Variants in VWA3B observed in about 807,000 individuals in gnomAD.
The protein encoded by VWA3B is von Willebrand factor A domain-containing protein 3B.
A neutral mutation model predicts 158.3 loss-of-function variants in VWA3B; 138 were observed. The observed-to-expected ratio is 0.87, with a 90% CI of 0.76 to 1.00. The LOEUF is 1.00. VWA3B is among the 50% of genes least tolerant of loss of function. VWA3B has a pLI of 0.00. For missense variants in VWA3B, 1,555 were observed against 1,565.1 expected, an observed-to-expected ratio of 0.99 and a Z score of 0.11; for synonymous variants, 596 against 587.3, an observed-to-expected ratio of 1.01 and a Z score of -0.21.
chr2:98,144,264 TGTC>T (rs1215567290), intron 7 of VWA3B, among the ~76,000 whole-genome samples: 4 of 152,190 alleles, frequency 2.6e-5, no homozygotes, highest in Non-Finnish European at 5.9e-5. Context: ...AAATTATAGT[TGTC>T]ATTATTGTCA....
intron 1 of VWA3B, among the ~76,000 whole-genome samples, chr2:98,089,845 G>T (rs1682150546): frequency 6.6e-6 from 1 of 151,948 alleles, no homozygotes; most frequent in African/African-American, 2.4e-5. Context: ...TTTTTTAAAA[G>T]TCATATGAGT....
chr2:98,326,013 G>T, the VWA3B span, among the ~76,000 whole-genome samples: 1 of 152,236 alleles, frequency 6.6e-6, no homozygotes, highest in East Asian at 1.9e-4. Context: ...GAAATTAAAT[G>T]AAAAGCCAAT....
At chr2:98,160,706 C>T (rs914264532) in intron 7 of VWA3B, among the ~76,000 whole-genome samples, 11 of 152,218 alleles carry the variant, frequency 7.2e-5, no homozygotes, top group Non-Finnish European at 1.6e-4. Context: ...CTTGATTTTA[C>T]AGCGTTCAGA....
At chr2:98,100,263 G>T (rs1329677679) in intron 2 of VWA3B, among the ~76,000 whole-genome samples, 1 of 152,202 alleles carries the variant, frequency 6.6e-6, no homozygotes, top group Admixed American at 6.5e-5. Context: ...GTCTTCTGGT[G>T]TGGTCCCTAA....
intron 12 of VWA3B, chr2:98,206,479 T>C (rs1050706276): frequency 5.2e-6 from 2 of 386,826 alleles, no homozygotes; most frequent in Admixed American, 3.0e-5. Context: ...GTAAGGATTA[T>C]GCTATGAATG....
intron 12 of VWA3B, among the ~76,000 whole-genome samples, chr2:98,209,350 G>T (rs937810920): frequency 1.3e-5 from 2 of 151,866 alleles, no homozygotes; most frequent in Non-Finnish European, 2.9e-5. Flanking sequence ...GCGCGATCTC[G>T]GCTCACTGCA....
At chr2:98,122,650 G>A (rs6743285) in intron 5 of VWA3B, among the ~76,000 whole-genome samples, 2,363 of 152,298 alleles carry the variant, frequency 0.016, 59 homozygotes, top group East Asian at 0.087. Flanking sequence ...GTGTGCATGA[G>A]CCTGGGCACA....
the VWA3B span, among the ~76,000 whole-genome samples, chr2:98,322,971 G>A: frequency 7.2e-3 from 1,099 of 152,046 alleles, 10 homozygotes; most frequent in African/African-American, 0.025. Flanking sequence ...TTAAGTGTAC[G>A]AAAAACAACC....
chr2:98,173,016 T>G (rs2105307284), intron 8 of VWA3B, among the ~76,000 whole-genome samples: 1 of 152,346 alleles, frequency 6.6e-6, no homozygotes, highest in East Asian at 1.9e-4. Flanking sequence ...CATCTGAGTT[T>G]TCTGTTCTGC....
intron 7 of VWA3B, among the ~76,000 whole-genome samples, chr2:98,151,990 T>C (rs1327559575): frequency 3.3e-5 from 5 of 152,230 alleles, no homozygotes; most frequent in African/African-American, 1.2e-4. Flanking sequence ...TAGTAACCAG[T>C]TTATTTGCAT....
At chr2:98,208,336 A>T (rs1683194732) in intron 12 of VWA3B, among the ~76,000 whole-genome samples, 1 of 152,072 alleles carries the variant, frequency 6.6e-6, no homozygotes, top group Non-Finnish European at 1.5e-5. Flanking sequence ...TAATTGGTAT[A>T]TGTAGGTGAT....
chr2:98,245,276 C>T (rs1686318576), intron 19 of VWA3B, among the ~76,000 whole-genome samples: 1 of 152,024 alleles, frequency 6.6e-6, no homozygotes, highest in African/African-American at 2.4e-5. Flanking sequence ...CTTCATTAAC[C>T]TCAGCTCCCT....
chr2:98,219,074 A>C (rs544637221), intron 14 of VWA3B, among the ~76,000 whole-genome samples: 319 of 152,332 alleles, frequency 2.1e-3, no homozygotes, highest in African/African-American at 7.2e-3. Flanking sequence ...ATTACAAGAA[A>C]ACAAAAATAT....
rs775737182 is a variant in VWA3B at position 98,257,188 on chromosome 2, C to T, written c.2843+1014C>T. On this transcript the variant is annotated intron_variant, in intron 21 of 27. Coordinates refer to ENST00000477737, the MANE Select transcript of VWA3B (RefSeq NM_144992.5). ...AACTTTTTTTTGTTTTTAGCTCCTACAGATGGGTGAGAACTATTTGTCTTT... is the reference window on the plus strand; with the variant it reads ...AACTTTTTTTTGTTTTTAGCTCCTATAGATGGGTGAGAACTATTTGTCTTT... Among the ~76,000 whole-genome samples the T allele has an allele frequency of 3.9e-4, 60 of 152,050 alleles. 1 individual carries two copies. The highest frequency in any genetic ancestry group is 1.4e-3 in the African/African-American group (59 of 41,390).
chr2:98,314,839 A>T (rs1484707087), downstream of VWA3B, among the ~76,000 whole-genome samples: 1 of 152,210 alleles, frequency 6.6e-6, no homozygotes, highest in African/African-American at 2.4e-5. Flanking sequence ...CCTGGCCAAC[A>T]TGGTGAAACC....
downstream of VWA3B, among the ~76,000 whole-genome samples, chr2:98,318,064 G>A (rs908063718): frequency 6.6e-6 from 1 of 152,142 alleles, no homozygotes; most frequent in African/African-American, 2.4e-5. Context: ...TAAAAGTAAA[G>A]AAAATAACAG....
At chr2:98,327,325 G>GA in the VWA3B span, among the ~76,000 whole-genome samples, 1 of 151,368 alleles carries the variant, frequency 6.6e-6, no homozygotes, top group East Asian at 1.9e-4. Context: ...TAAAAAACAA[G>GA]AAAAAAAAGT....
intron 7 of VWA3B, among the ~76,000 whole-genome samples, chr2:98,147,878 G>GTGTGA (rs1301642202): frequency 7.3e-6 from 1 of 136,364 alleles, no homozygotes; most frequent in African/African-American, 2.8e-5. Flanking sequence ...AGGCCCCTGT[G>GTGTGA]TGTGATGTTC....
Position 98,266,454 on chromosome 2 carries a change from C to T in VWA3B, c.2844-4228C>T, listed in dbSNP as rs867600049. Among the ~76,000 whole-genome samples, 13 of 151,678 alleles carry T rather than the reference C, an allele frequency of 8.6e-5. No individual in the cohort carries two copies. The East Asian group carries it at 1.9e-3, about 23-fold the overall frequency. ...TGCTGTTTTGGTTACTGTAGCCTTG[C>T]AGTATAGTTTGAAGTCAGGTAGTGT... On this transcript the variant is annotated intron_variant, in intron 21 of 27. Coordinates refer to ENST00000477737, the MANE Select transcript of VWA3B (RefSeq NM_144992.5).
Sources: allele counts gnomAD v4.1 joint callset (sites outside exome capture counted in the v4.1 genomes callset), GRCh38; gene constraint gnomAD v4.1.1; transcripts MANE v1.5; gene names NCBI Gene and HGNC (gene_info 2026-07-23, HGNC 2026-07-21).